Variants in FAM234B observed in about 807,000 individuals in gnomAD.
The protein encoded by FAM234B is family with sequence similarity 234 member B.
A neutral mutation model predicts 69.3 loss-of-function variants in FAM234B; 33 were observed. The observed-to-expected ratio is 0.48, with a 90% CI of 0.36 to 0.64. FAM234B has a LOEUF of 0.64. Among genes scored for constraint, FAM234B ranks in the 30% least tolerant of loss-of-function variants. The pLI is 0.00. For synonymous variants in FAM234B, 306 were observed against 306.9 expected, an observed-to-expected ratio of 1.00 and a Z score of 0.03; for missense variants, 697 against 769.7, an observed-to-expected ratio of 0.91 and a Z score of 1.12.
At chr12:13,072,544 A>G (rs1865117444) in intron 10 of FAM234B, among the ~76,000 whole-genome samples, 1 of 152,142 alleles carries the variant, frequency 6.6e-6, no homozygotes, top group South Asian at 2.1e-4. Flanking sequence ...AGCCTGGCCA[A>G]TGTAGTGAAA....
At chr12:13,066,047 C>T (rs1389696397) in intron 5 of FAM234B, among the ~76,000 whole-genome samples, 2 of 152,230 alleles carry the variant, frequency 1.3e-5, no homozygotes, top group Non-Finnish European at 2.9e-5. Context: ...GGAACATCCT[C>T]ACACCCATTC....
At chr12:13,070,789 G>T (rs1865097789) in intron 9 of FAM234B, among the ~76,000 whole-genome samples, 1 of 152,020 alleles carries the variant, frequency 6.6e-6, no homozygotes, top group South Asian at 2.1e-4. Flanking sequence ...CGTGCCCCAG[G>T]ACAGTGTTCA....
At chr12:13,072,699 C>T (rs1221468609) in intron 10 of FAM234B, among the ~76,000 whole-genome samples, 1 of 148,978 alleles carries the variant, frequency 6.7e-6, no homozygotes, top group East Asian at 2.0e-4. Context: ...AATTGCACTC[C>T]AGCCCAGGCG....
chr12:13,072,392 A>G (rs1170689415), intron 10 of FAM234B, among the ~76,000 whole-genome samples: 1 of 152,176 alleles, frequency 6.6e-6, no homozygotes, highest in Non-Finnish European at 1.5e-5. Flanking sequence ...CCCACCTATG[A>G]GGGGACTTCA....
chr12:13,076,095 A>G lies in FAM234B; in HGVS notation c.1594A>G (p.Ile532Val), dbSNP rs1331642084. Residue 532 changes from isoleucine to valine, a missense_variant, in exon 11 of 13, where the codon ATC becomes GTC. This residue lies in a region of FAM234B where 313 missense variants were observed against 305.5 expected (regional missense o/e 1.02). Coordinates refer to ENST00000197268, the MANE Select transcript of FAM234B (RefSeq NM_020853.2). ...LYLLHPAFPS[I>V]LLDLANTTGT... Reference sequence around the variant, plus strand: ...CCTCCTGCATCCTGCGTTCCCCTCCATCCTTCTGGATCTGGCCAACACCAC... The same window carrying G: ...CCTCCTGCATCCTGCGTTCCCCTCCGTCCTTCTGGATCTGGCCAACACCAC... 6.2e-7 allele frequency: 1 copy of G among 1,614,010 alleles called. No homozygotes were observed. Among genetic ancestry groups the G allele is most frequent in the Non-Finnish European group, 8.5e-7 (1 of 1,179,976 alleles).
chr12:13,066,935 A>G, intron 6 of FAM234B, 148 bp downstream of exon 6: 1 of 968,920 alleles, frequency 1.0e-6, no homozygotes, highest in South Asian at 1.7e-5. Context: ...TCCCCCACCG[A>G]TCACAGGCTA....
intron 3 of FAM234B, among the ~76,000 whole-genome samples, chr12:13,060,279 G>A (rs1864971186): frequency 6.6e-6 from 1 of 152,152 alleles, no homozygotes; most frequent in Admixed American, 6.5e-5. Context: ...GGACACAGAG[G>A]GATTGAGTTT....
intron 9 of FAM234B, among the ~76,000 whole-genome samples, chr12:13,069,893 C>T (rs1387152438): frequency 6.6e-6 from 1 of 152,054 alleles, no homozygotes; most frequent in Admixed American, 6.6e-5. Context: ...TAGGAAAAGC[C>T]AGTGCCTGCG....
At position 13,067,529 on chromosome 12, in the gene FAM234B, G is replaced by T. The variant is rs1279679611; in HGVS notation, c.1142+233G>T. On this transcript the variant is annotated intron_variant, in intron 7 of 12. Coordinates refer to ENST00000197268, the MANE Select transcript of FAM234B (RefSeq NM_020853.2). The surrounding 1 kb of genome is among the most constrained non-coding windows in gnomAD (Gnocchi z 4.7). ...GTGACCACATGTGATCACTCCTCAG[G>T]TAGGATGCAAGGAAGGATACTTAGG... 1.3e-5 allele frequency among the ~76,000 whole-genome samples: 2 copies of T among 152,136 alleles called. No individual in the cohort carries two copies. Among genetic ancestry groups the T allele is most frequent in the Non-Finnish European group, 2.9e-5 (2 of 68,014 alleles).
chr12:13,059,048 G>C (rs959473447), intron 3 of FAM234B, among the ~76,000 whole-genome samples: 4 of 152,172 alleles, frequency 2.6e-5, no homozygotes, highest in African/African-American at 9.7e-5. Flanking sequence ...CCTGCTCTCT[G>C]CATGGGGAAG....
At chr12:13,078,182 T>C (rs2120510722) in intron 11 of FAM234B, among the ~76,000 whole-genome samples, 1 of 152,082 alleles carries the variant, frequency 6.6e-6, no homozygotes, top group South Asian at 2.1e-4. Flanking sequence ...CTTTGTCAGA[T>C]GAGTAGGTTG....
intron 1 of FAM234B, among the ~76,000 whole-genome samples, chr12:13,051,586 T>G (rs1055917800): frequency 6.6e-6 from 1 of 152,132 alleles, no homozygotes; most frequent in Non-Finnish European, 1.5e-5. Context: ...CTATCTGGAG[T>G]AGGTAGGAAA....
Position 13,068,636 on chromosome 12 carries a change from T to G in FAM234B, c.1293T>G (p.Pro431=), listed in dbSNP as rs568677954. The change falls in exon 9 of 13, where the codon CCT becomes CCG. Residue 431 remains proline (P), a synonymous_variant. Coordinates refer to ENST00000197268, the MANE Select transcript of FAM234B (RefSeq NM_020853.2). ...ACTTTGTCCTTATTTGCAGCCAGCC[T>G]ACTCCTGGATATTTCACTGATGATC... The part of the protein sequence containing the change: ...ALRLQGLRSQ[P]TPGYFTDDQT... The G allele has an allele frequency of 6.2e-7, 1 of 1,611,124 alleles. No individual in the cohort carries two copies. Among genetic ancestry groups the G allele is most frequent in the East Asian group, 2.2e-5 (1 of 44,876 alleles).
intron 2 of FAM234B, among the ~76,000 whole-genome samples, chr12:13,057,230 G>A (rs1270304463): frequency 6.6e-6 from 1 of 151,956 alleles, no homozygotes; most frequent in Non-Finnish European, 1.5e-5. Context: ...CACCCACCTC[G>A]GCCTCCCAAA....
At chr12:13,061,466 G>C in intron 3 of FAM234B, 109 bp from the exon 4 acceptor site, 4 of 792,738 alleles carry the variant, frequency 5.0e-6, no homozygotes, top group Non-Finnish European at 6.0e-6. Flanking sequence ...ACACAAGTGT[G>C]GTTGCTGCCT....
At chr12:13,072,531 A>T (rs1591601793) in intron 10 of FAM234B, among the ~76,000 whole-genome samples, 1 of 152,182 alleles carries the variant, frequency 6.6e-6, no homozygotes. Flanking sequence ...GGAGTTCGAT[A>T]CCAGCCTGGC....
chr12:13,071,474 T>C, intron 10 of FAM234B, 78 bp downstream of exon 10: 1 of 1,355,552 alleles, frequency 7.4e-7, no homozygotes, highest in Admixed American at 1.8e-5. Context: ...GTTCTGGAGA[T>C]GTTATTTGAC....
At chr12:13,075,442 T>A (rs996036152) in intron 10 of FAM234B, among the ~76,000 whole-genome samples, 1 of 148,872 alleles carries the variant, frequency 6.7e-6, no homozygotes, top group African/African-American at 2.5e-5. Context: ...TCTTTTTTTT[T>A]TTTTTTATTT....
In FAM234B at chr12:13,068,690, G is replaced by A. The variant is rs955769345; in HGVS notation, c.1347G>A (p.Gln449=). The A allele has an allele frequency of 6.2e-7, 1 of 1,611,044 alleles. No homozygotes were observed. Among genetic ancestry groups the A allele is most frequent in the South Asian group, 1.1e-5 (1 of 90,962 alleles). Residue 449 remains glutamine, a synonymous_variant, in exon 9 of 13, where the codon CAG becomes CAA. Coordinates refer to ENST00000197268, the MANE Select transcript of FAM234B (RefSeq NM_020853.2). The stretch of plus-strand genomic sequence containing the variant: ...CATTAGATTTCCTTCTGCAGATACA[G>A]GATGGAGTTGGGATGAAAAAGGTAA... ...DQTLDFLLQI[Q]DGVGMKKMMV...
Sources: allele counts gnomAD v4.1 joint callset (sites outside exome capture counted in the v4.1 genomes callset), GRCh38; gene constraint gnomAD v4.1.1; regional missense constraint gnomAD v4.1.1; non-coding constraint Gnocchi (gnomAD v3.1); transcripts MANE v1.5; gene names NCBI Gene and HGNC (gene_info 2026-07-23, HGNC 2026-07-21).